Variants in FMNL2 observed in about 807,000 individuals in gnomAD.
The protein encoded by FMNL2 is formin-like protein 2.
A neutral mutation model predicts 130.2 loss-of-function variants in FMNL2; 51 were observed. The ratio of observed to expected loss-of-function variants is 0.39; its 90% CI spans 0.31 to 0.49. FMNL2 has a LOEUF of 0.49. Among genes scored for constraint, FMNL2 ranks in the 20% least tolerant of loss-of-function variants. FMNL2 has a pLI of 0.85. For synonymous variants in FMNL2, 465 were observed against 467.1 expected, an observed-to-expected ratio of 1.00 and a Z score of 0.06; for missense variants, 977 against 1,316.2, an observed-to-expected ratio of 0.74 and a Z score of 3.99.
intron 5 of FMNL2, 98 bp from the exon 6 acceptor site, chr2:152,560,785 G>A (rs1244734137): frequency 9.2e-7 from 1 of 1,090,100 alleles, no homozygotes; most frequent in Non-Finnish European, 1.3e-6. Flanking sequence ...TCCATACTAA[G>A]GTGCAGATGT....
At chr2:152,610,018 G>C (rs576329976) in intron 10 of FMNL2, among the ~76,000 whole-genome samples, 24 of 152,268 alleles carry the variant, frequency 1.6e-4, no homozygotes, top group Non-Finnish European at 2.2e-4. Context: ...CTCTTTGGCA[G>C]GTCTCAGGGC....
intron 10 of FMNL2, among the ~76,000 whole-genome samples, chr2:152,608,360 G>GTA (rs1698493317): frequency 6.0e-5 from 1 of 16,548 alleles, no homozygotes; most frequent in Non-Finnish European, 1.3e-4. Flanking sequence ...CCCTTTTTGT[G>GTA]AAAAAAAAAA....
intron 25 of FMNL2, among the ~76,000 whole-genome samples, chr2:152,641,948 C>CT (rs34296572): frequency 1.3e-4 from 19 of 145,706 alleles, no homozygotes; most frequent in African/African-American, 2.3e-4. Context: ...TGTCTCATTT[C>CT]TTTTTTTTTT....
rs1182311419 is a variant in FMNL2, at chr2:152,578,955, A to T, written c.773A>T (p.Lys258Met). ...GAGATTGCACTAAGCCTGAACAACA[A>T]GAATCCCAGGTAAGCTGCTTTTGTA... ...VNEIALSLNNKNPRTKALVLE... is the reference protein window; with the variant it reads ...VNEIALSLNNMNPRTKALVLE... Residue 258 changes from lysine to methionine, a missense_variant, in exon 8 of 26, where the codon AAG becomes ATG. Lys to Met is a moderately conservative substitution (Grantham distance 95). Coordinates refer to ENST00000288670, the MANE Select transcript of FMNL2 (RefSeq NM_052905.4). 1 of 1,613,342 alleles carries T rather than the reference A, an allele frequency of 6.2e-7. No individual in the cohort carries two copies. Among genetic ancestry groups the T allele is most frequent in the Non-Finnish European group, 8.5e-7 (1 of 1,179,518 alleles).
At chr2:152,368,202 G>T (rs1333118923) in intron 1 of FMNL2, among the ~76,000 whole-genome samples, 2 of 152,068 alleles carry the variant, frequency 1.3e-5, no homozygotes, top group African/African-American at 2.4e-5. Context: ...TAATGATTTA[G>T]GTGCCTCTAA....
chr2:152,626,208 T>C (rs1681773953), intron 16 of FMNL2, among the ~76,000 whole-genome samples: 1 of 152,090 alleles, frequency 6.6e-6, no homozygotes, highest in East Asian at 1.9e-4. Context: ...GGCTATTCTT[T>C]GTGTTTTTAG....
chr2:152,528,073 T>A (rs1693486165), intron 2 of FMNL2, among the ~76,000 whole-genome samples: 1 of 152,218 alleles, frequency 6.6e-6, no homozygotes, highest in African/African-American at 2.4e-5. Flanking sequence ...TTAATCTCTT[T>A]GATTTTATAG....
At chr2:152,450,327 A>G (rs967644401) in intron 1 of FMNL2, among the ~76,000 whole-genome samples, 1 of 152,206 alleles carries the variant, frequency 6.6e-6, no homozygotes, top group Non-Finnish European at 1.5e-5. Context: ...CCTTCTGATT[A>G]ACATAACGAA....
chr2:152,520,287 G>GA (rs1359821118), intron 1 of FMNL2, among the ~76,000 whole-genome samples: 7 of 151,882 alleles, frequency 4.6e-5, no homozygotes, highest in Non-Finnish European at 1.0e-4. Flanking sequence ...TTTGAGGGGG[G>GA]GTGATTAAAA....
intron 1 of FMNL2, among the ~76,000 whole-genome samples, chr2:152,514,132 A>G (rs748110801): frequency 1.3e-5 from 2 of 152,128 alleles, no homozygotes; most frequent in Non-Finnish European, 2.9e-5. Context: ...ACTCAGGAGA[A>G]TTGGTACATT....
intron 1 of FMNL2, among the ~76,000 whole-genome samples, chr2:152,384,919 C>G (rs1684698030): frequency 6.6e-6 from 1 of 152,226 alleles, no homozygotes; most frequent in Non-Finnish European, 1.5e-5. Context: ...CATCCTAACA[C>G]AGTAATCAAC....
At chr2:152,619,854 A>C in intron 15 of FMNL2, 136 bp downstream of exon 15, 1 of 1,462,762 alleles carries the variant, frequency 6.8e-7, no homozygotes, top group Non-Finnish European at 9.1e-7. Flanking sequence ...ATTCCTGCTG[A>C]TGTAGCCGAT....
At position 152,607,386 on chromosome 2, in the gene FMNL2, G is replaced by A. The variant is rs1291165729; in HGVS notation, c.924G>A (p.Arg308=). 2.5e-6 allele frequency: 4 copies of A among 1,612,316 alleles called. No individual in the cohort carries two copies. The highest frequency in any genetic ancestry group is 3.4e-6 in the Non-Finnish European group (4 of 1,179,180). ...TTGAGAAGTTGATGGAACATTTCAG[G>A]AATGAAGACAATAACATAGATTTTA... is the stretch of plus-strand genomic sequence containing the variant. ...QRFEKLMEHF[R]NEDNNIDFMV... The change falls in exon 10 of 26, where the codon AGG becomes AGA. Residue 308 remains arginine, a synonymous_variant. Transcript: ENST00000288670.
intron 2 of FMNL2, among the ~76,000 whole-genome samples, chr2:152,522,923 T>C (rs1693173931): frequency 6.6e-6 from 1 of 152,196 alleles, no homozygotes; most frequent in Non-Finnish European, 1.5e-5. Context: ...TCTAAAAATA[T>C]TACTACCAAC....
intron 1 of FMNL2, among the ~76,000 whole-genome samples, chr2:152,437,968 T>C (rs926068158): frequency 6.6e-6 from 1 of 152,200 alleles, no homozygotes; most frequent in Non-Finnish European, 1.5e-5. Flanking sequence ...AATGTGCGCT[T>C]GAAATGAGAG....
chr2:152,624,911 C>T (rs1195441719), intron 15 of FMNL2, among the ~76,000 whole-genome samples: 2 of 152,138 alleles, frequency 1.3e-5, no homozygotes, highest in African/African-American at 2.4e-5. Flanking sequence ...TCTTCATTAT[C>T]GGAATCACCC....
At chr2:152,540,261 T>A (rs1042539817) in intron 2 of FMNL2, among the ~76,000 whole-genome samples, 29 of 152,102 alleles carry the variant, frequency 1.9e-4, no homozygotes, top group African/African-American at 6.3e-4. Context: ...ATTTTAGCCC[T>A]CAGCTGGACT....
At chr2:152,589,965 A>G (rs895457373) in intron 9 of FMNL2, among the ~76,000 whole-genome samples, 11 of 48,622 alleles carry the variant, frequency 2.3e-4, no homozygotes, top group African/African-American at 7.3e-4. Flanking sequence ...ATATATATAT[A>G]TATATATATA....
chr2:152,644,071 A>C (rs1413197126), intron 25 of FMNL2: 1 of 205,894 alleles, frequency 4.9e-6, no homozygotes, highest in Non-Finnish European at 8.5e-6. Context: ...CTTTACAAAA[A>C]TCAGCTGGGC....
Sources: allele counts gnomAD v4.1 joint callset (sites outside exome capture counted in the v4.1 genomes callset), GRCh38; gene constraint gnomAD v4.1.1; transcripts MANE v1.5; gene names NCBI Gene and HGNC (gene_info 2026-07-23, HGNC 2026-07-21).